PKP2: variants seen among roughly 807,000 people sequenced by gnomAD.
PKP2 encodes the protein plakophilin-2.
Under a neutral mutation model 83.4 loss-of-function variants are expected in PKP2, and 73 were observed. The ratio of observed to expected loss-of-function variants is 0.88; its 90% CI spans 0.72 to 1.06. PKP2 has a LOEUF of 1.06. Among genes scored for constraint, PKP2 ranks in the 50% least tolerant of loss-of-function variants. PKP2 has a pLI of 0.00. For missense variants in PKP2, 966 were observed against 1,065.4 expected (o/e 0.91, Z 1.30); for synonymous variants, 409 against 430.4 (o/e 0.95, Z 0.62).
chr12:32,808,751 G>C (rs556628654), intron 9 of PKP2, among the ~76,000 whole-genome samples: 2 of 151,920 alleles, frequency 1.3e-5, no homozygotes, highest in Non-Finnish European at 2.9e-5. Flanking sequence ...TTCTTTTCAC[G>C]GTCAGGCTAC....
At chr12:32,805,182 C>T (rs1392126213) in intron 9 of PKP2, among the ~76,000 whole-genome samples, 17 of 103,532 alleles carry the variant, frequency 1.6e-4, no homozygotes, top group Non-Finnish European at 3.6e-4. Context: ...TGTTTAGGTT[C>T]CTTATAGACT....
intron 6 of PKP2, among the ~76,000 whole-genome samples, chr12:32,825,581 C>CTCA (rs1197321553): frequency 6.6e-6 from 1 of 152,152 alleles, no homozygotes; most frequent in East Asian, 1.9e-4. Flanking sequence ...AACTTTGAGA[C>CTCA]ATTTTTGAGC....
intron 4 of PKP2, among the ~76,000 whole-genome samples, chr12:32,868,497 G>A (rs1023814404): frequency 2.6e-5 from 4 of 151,558 alleles, no homozygotes; most frequent in Non-Finnish European, 5.9e-5. Context: ...GATTACAGGC[G>A]TGAGCCACTG....
intron 10 of PKP2, among the ~76,000 whole-genome samples, chr12:32,797,445 C>CAAAAAAAAAAAAAAAAAAAA (rs548021913): frequency 1.5e-5 from 1 of 67,142 alleles, no homozygotes; most frequent in Non-Finnish European, 2.9e-5. Context: ...GACCCTGTCT[C>CAAAAAAAAAAAAAAAAAAAA]AAAAAAAAAA....
chr12:32,878,355 C>T lies in PKP2; in HGVS notation c.525G>A (p.Gly175=), dbSNP rs748807540. 4 of 1,613,196 alleles carry T rather than the reference C, an allele frequency of 2.5e-6. No homozygotes were observed. Among genetic ancestry groups the T allele is most frequent in the Non-Finnish European group, 3.4e-6 (4 of 1,179,920 alleles). ...TGCTTTCTTGGTGGTGCAGGGTGTG[C>T]CCAGCCTGGCTTCTCTGGCTGTACT... ...DYQYSQRSQA[G]HTLHHQESRR... is the part of the protein sequence containing the mutation. The change falls in exon 3 of 13, where the codon GGG becomes GGA. Residue 175 remains glycine, a synonymous_variant. Transcript: ENST00000340811.
intron 3 of PKP2, among the ~76,000 whole-genome samples, chr12:32,875,825 G>T (rs1210040356): frequency 6.6e-6 from 1 of 152,180 alleles, no homozygotes; most frequent in African/African-American, 2.4e-5. Context: ...ATAGGGAGAT[G>T]ATGAGTTTAG....
In PKP2 at chr12:32,802,685, G is replaced by GTC. The variant is rs1180763104; in HGVS notation, c.2014-131_2014-130dup. ...TCTTATTTATTTATTTTGAGACAAA[G>GTC]TCTCTCTCTGTCATTCAGGCTGGAG... On this transcript the variant is annotated intron_variant, in intron 9 of 12. Coordinates refer to ENST00000340811, the MANE Select transcript of PKP2 (RefSeq NM_001005242.3). The GTC allele has an allele frequency of 4.9e-6, 4 of 823,418 alleles. No homozygotes were observed. The Admixed American group carries it at 8.6e-5, about 18-fold the overall frequency. The allele number at this position is 823,418 out of a possible 1,614,324, so 51.0% of individuals were successfully genotyped here. A position where few individuals can be genotyped will look rare whatever the true frequency, so the allele number is the denominator to read the frequency against.
intron 4 of PKP2, among the ~76,000 whole-genome samples, chr12:32,855,823 C>T (rs948610490): frequency 8.3e-5 from 12 of 144,646 alleles, no homozygotes; most frequent in African/African-American, 3.1e-4. Context: ...AATTTCTACT[C>T]ATAAACACAG....
At chr12:32,828,804 T>G (rs938820865) in intron 6 of PKP2, among the ~76,000 whole-genome samples, 1 of 152,062 alleles carries the variant, frequency 6.6e-6, no homozygotes, top group Non-Finnish European at 1.5e-5. Context: ...CTGAAGGAGA[T>G]GGTTAAAGTA....
chr12:32,845,975 C>G (rs1274257619), intron 5 of PKP2, among the ~76,000 whole-genome samples: 6 of 152,066 alleles, frequency 3.9e-5, no homozygotes, highest in Non-Finnish European at 2.9e-5. Flanking sequence ...TATACAATTA[C>G]TTAAAGAAAG....
chr12:32,822,282 GTC>G (rs1956387211), intron 8 of PKP2, among the ~76,000 whole-genome samples, 183 bp downstream of exon 8: 1 of 152,084 alleles, frequency 6.6e-6, no homozygotes, highest in African/African-American at 2.4e-5. Flanking sequence ...ATCTTACTGT[GTC>G]TCTGTTTCCT....
intron 1 of PKP2, among the ~76,000 whole-genome samples, chr12:32,886,418 T>C (rs1303538096): frequency 6.6e-6 from 1 of 152,186 alleles, no homozygotes; most frequent in Admixed American, 6.5e-5. Flanking sequence ...TTACTAGCAA[T>C]AGTAGGAGCT....
intron 3 of PKP2, among the ~76,000 whole-genome samples, chr12:32,874,314 A>G (rs1454684500): frequency 1.3e-5 from 2 of 152,160 alleles, no homozygotes; most frequent in African/African-American, 4.8e-5. Context: ...AGCCTGGGGA[A>G]CTGAAATGAG....
rs1232717469 is a variant in PKP2 at position 32,843,193 on chromosome 12, G to C, written c.1379-1988C>G. Reference sequence around the variant, plus strand: ...GACAGGGGTCTCACCATGTTGGTCAGGCTGGTCTCGAACTCCTGACCTCGT... The same window carrying C: ...GACAGGGGTCTCACCATGTTGGTCACGCTGGTCTCGAACTCCTGACCTCGT... On this transcript the variant is annotated intron_variant, in intron 5 of 12. Transcript: ENST00000340811. 3.7e-6 allele frequency: 2 copies of C among 535,278 alleles called. No homozygotes were observed. The highest frequency in any genetic ancestry group is 1.9e-5 in the African/African-American group (1 of 52,092). The allele number at this position is 535,278 out of a possible 1,614,324, so 33.2% of individuals were successfully genotyped here.
intron 4 of PKP2, among the ~76,000 whole-genome samples, chr12:32,859,132 T>C (rs1294425253): frequency 6.6e-6 from 1 of 152,226 alleles, no homozygotes; most frequent in Admixed American, 6.5e-5. Flanking sequence ...AATTATGTAA[T>C]TTACTTACCT....
intron 10 of PKP2, among the ~76,000 whole-genome samples, chr12:32,796,858 A>C (rs945933358): frequency 3.9e-5 from 6 of 152,230 alleles, no homozygotes; most frequent in African/African-American, 1.4e-4. Context: ...TCAAGAACTT[A>C]AAACATTTTC....
intron 9 of PKP2, among the ~76,000 whole-genome samples, chr12:32,812,467 G>C (rs1292505923): frequency 6.6e-6 from 1 of 151,996 alleles, no homozygotes. Flanking sequence ...TCTTGTTCAA[G>C]TTTTGGCAAT....
In PKP2 at chr12:32,866,610, A is replaced by C. The variant is rs1218658753; in HGVS notation, c.1170+2317T>G. On this transcript the variant is annotated intron_variant, in intron 4 of 12. Transcript: ENST00000340811. ...AACCCCTTTGTCATTGGGGAAATGC[A>C]AATTAAAACCACAGTAAAACACCTG... 3.9e-5 allele frequency among the ~76,000 whole-genome samples: 6 copies of C among 151,982 alleles called. 1 individual carries two copies. The East Asian group carries it at 1.2e-3, about 29-fold the overall frequency.
intron 1 of PKP2, among the ~76,000 whole-genome samples, chr12:32,884,880 C>G (rs1957017665): frequency 6.6e-6 from 1 of 151,010 alleles, no homozygotes; most frequent in Admixed American, 6.6e-5. Flanking sequence ...GATGATATTA[C>G]TGTGTTTTCC....
Sources: gnomAD v4.1 joint callset for allele counts (sites outside exome capture counted in the v4.1 genomes callset) on GRCh38, gnomAD v4.1.1 for gene constraint, MANE v1.5 for transcripts, NCBI Gene and HGNC (gene_info 2026-07-23, HGNC 2026-07-21) for gene names.